The following KIAA1958 variants were observed in gnomAD, a reference collection of about 807,000 sequenced individuals.
The protein encoded by KIAA1958 is uncharacterized protein KIAA1958.
Under a neutral mutation model 47.2 loss-of-function variants are expected in KIAA1958, and 14 were observed. The observed-to-expected ratio is 0.30, with a 90% confidence interval of 0.20 to 0.46. The LOEUF is 0.46. KIAA1958 is among the 20% of genes least tolerant of loss of function. KIAA1958 has a pLI of 1.00. For missense variants in KIAA1958, 803 were observed against 909.2 expected, an observed-to-expected ratio of 0.88 and a Z score of 1.50; for synonymous variants, 354 against 353.3, an observed-to-expected ratio of 1.00 and a Z score of -0.02.
In KIAA1958 at chr9:112,602,644, G is replaced by T. The variant is rs542448436; in HGVS notation, c.1171+27393G>T. Among the ~76,000 whole-genome samples, 22 of 152,174 alleles carry T rather than the reference G, an allele frequency of 1.4e-4. No individual in the cohort carries two copies. In the South Asian group the frequency reaches 4.6e-3, roughly 32 times the overall value. On this transcript the variant is annotated intron_variant, in intron 2 of 3. Transcript: ENST00000337530. ...ATTCTGTTAGTAAGATAAAGATATT[G>T]TCTTGTAGTAATTTGTGTGATGGCC...
At chr9:112,492,254 C>G (rs776285324) in intron 1 of KIAA1958, among the ~76,000 whole-genome samples, 4 of 152,166 alleles carry the variant, frequency 2.6e-5, no homozygotes, top group Non-Finnish European at 5.9e-5. Context: ...TCTAAGGCCC[C>G]TCTCTTGGCT....
chr9:112,645,724 G>C lies in KIAA1958; in HGVS notation c.1246G>C (p.Val416Leu), dbSNP rs1325674494. The change falls in exon 3 of 4, where the codon GTA becomes CTA. Residue 416 changes from valine (V) to leucine (L), a missense_variant. Around this residue, in one of 2 missense-constraint regions of KIAA1958, gnomAD observed 761 missense variants for 829.3 expected, o/e 0.92. Transcript: ENST00000337530. ...DDLNDLCTSAVSPNTTKATRY... is the reference protein window; with the variant it reads ...DDLNDLCTSALSPNTTKATRY... ...CTTGAATGATCTGTGTACCAGTGCA[G>C]TAAGCCCAAATACTACCAAAGCCAC... The C allele has an allele frequency of 1.2e-6, 2 of 1,613,926 alleles. No homozygotes were observed. Among genetic ancestry groups the C allele is most frequent in the East Asian group, 4.5e-5 (2 of 44,864 alleles).
intron 2 of KIAA1958, among the ~76,000 whole-genome samples, chr9:112,605,831 A>G (rs950350481): frequency 6.6e-6 from 1 of 152,222 alleles, no homozygotes; most frequent in Non-Finnish European, 1.5e-5. Context: ...ACTAAAAGAT[A>G]TTTTTAGAGA....
chr9:112,509,374 T>C (rs1834286191), intron 1 of KIAA1958, among the ~76,000 whole-genome samples: 1 of 152,036 alleles, frequency 6.6e-6, no homozygotes, highest in Admixed American at 6.6e-5. Flanking sequence ...CTAATTTTTG[T>C]ATTTTTAATA....
intron 1 of KIAA1958, among the ~76,000 whole-genome samples, chr9:112,571,765 TA>T (rs1835538096): frequency 6.7e-6 from 1 of 149,332 alleles, no homozygotes; most frequent in South Asian, 2.1e-4. Context: ...TTGGGCAACC[TA>T]GGGACACCCC....
intron 2 of KIAA1958, among the ~76,000 whole-genome samples, chr9:112,592,397 A>G (rs1402270853): frequency 6.6e-6 from 1 of 152,200 alleles, no homozygotes; most frequent in Non-Finnish European, 1.5e-5. Context: ...GCAGTTAAGC[A>G]TAGAATTTAG....
chr9:112,567,959 C>CAAAAAAAAAAAAAAAAAAAAA, intron 1 of KIAA1958, among the ~76,000 whole-genome samples: 1 of 66,180 alleles, frequency 1.5e-5, no homozygotes, highest in Non-Finnish European at 2.7e-5. Context: ...GAATCCATCT[C>CAAAAAAAAAAAAAAAAAAAAA]AAAAAAAAAA....
intron 1 of KIAA1958, among the ~76,000 whole-genome samples, chr9:112,500,721 A>G (rs10759574): frequency 0.95 from 145,045 of 152,304 alleles, 69,115 homozygotes; most frequent in South Asian, 0.98. Flanking sequence ...ATAATAAACA[A>G]TATTCTTATT....
intron 1 of KIAA1958, among the ~76,000 whole-genome samples, chr9:112,519,022 T>C (rs1834490067): frequency 1.3e-5 from 2 of 152,186 alleles, no homozygotes; most frequent in Admixed American, 1.3e-4. Context: ...CTTGAACTCC[T>C]GGGCTCAAGC....
intron 2 of KIAA1958, among the ~76,000 whole-genome samples, chr9:112,597,317 ACT>A (rs1473385062): frequency 6.6e-6 from 1 of 152,152 alleles, no homozygotes; most frequent in Non-Finnish European, 1.5e-5. Context: ...AGTTCTCACA[ACT>A]CTCTGAAGAT....
intron 2 of KIAA1958, among the ~76,000 whole-genome samples, chr9:112,587,640 C>T (rs929880793): frequency 6.6e-6 from 1 of 152,098 alleles, no homozygotes; most frequent in South Asian, 2.1e-4. Context: ...TTAGTACTGC[C>T]TTAAAATGGA....
At chr9:112,515,336 G>A (rs1216111275) in intron 1 of KIAA1958, among the ~76,000 whole-genome samples, 2 of 145,964 alleles carry the variant, frequency 1.4e-5, no homozygotes, top group East Asian at 2.1e-4. Context: ...CGCCCCTACT[G>A]GGAAGTGAGG....
chr9:112,622,230 A>G (rs1479406817), intron 2 of KIAA1958, among the ~76,000 whole-genome samples: 1 of 152,236 alleles, frequency 6.6e-6, no homozygotes, highest in Non-Finnish European at 1.5e-5. Flanking sequence ...GATGTTCACT[A>G]CAACTGAATG....
chr9:112,582,764 A>G (rs1377795016), intron 2 of KIAA1958, among the ~76,000 whole-genome samples: 1 of 152,080 alleles, frequency 6.6e-6, no homozygotes, highest in East Asian at 1.9e-4. Flanking sequence ...TCCATAACCA[A>G]AGATGACAGC....
At chr9:112,518,858 G>A (rs1229000357) in intron 1 of KIAA1958, among the ~76,000 whole-genome samples, 2 of 151,548 alleles carry the variant, frequency 1.3e-5, no homozygotes, top group Non-Finnish European at 2.9e-5. Context: ...AAACATTTGG[G>A]GAGCTAAAGA....
intron 2 of KIAA1958, among the ~76,000 whole-genome samples, chr9:112,583,238 G>C (rs1447210502): frequency 6.6e-6 from 1 of 152,178 alleles, no homozygotes; most frequent in Non-Finnish European, 1.5e-5. Context: ...CCAGTCAAAT[G>C]CATCCACATC....
rs370535895 is a variant in KIAA1958 at position 112,551,883 on chromosome 9, G to C, written c.-24-22174G>C. On this transcript the variant is annotated intron_variant, in intron 1 of 3. Transcript: ENST00000337530. ...TAAAATGGCTTTGCATGTGATTAAA[G>C]CAGTTCTCTAGCATTGTTAAGTGAC... Among the ~76,000 whole-genome samples, 9 of 152,196 alleles carry C rather than the reference G, an allele frequency of 5.9e-5. No individual in the cohort carries two copies. The East Asian group carries it at 1.3e-3, about 23-fold the overall frequency.
intron 3 of KIAA1958, among the ~76,000 whole-genome samples, chr9:112,653,575 A>G (rs768730944): frequency 2.0e-5 from 3 of 152,174 alleles, no homozygotes; most frequent in Non-Finnish European, 4.4e-5. Flanking sequence ...GCCTCCTCAC[A>G]TGGCAACACC....
intron 2 of KIAA1958, among the ~76,000 whole-genome samples, chr9:112,608,105 A>T (rs151196117): frequency 6.6e-6 from 1 of 152,316 alleles, no homozygotes; most frequent in East Asian, 1.9e-4. Flanking sequence ...TAATTACAAG[A>T]CTGAGACCAA....
Sources: allele counts gnomAD v4.1 joint callset (sites outside exome capture counted in the v4.1 genomes callset), GRCh38; gene constraint gnomAD v4.1.1; regional missense constraint gnomAD v4.1.1; transcripts MANE v1.5; gene names NCBI Gene and HGNC (gene_info 2026-07-23, HGNC 2026-07-21).